Variants in ROBO2 observed in about 807,000 individuals in gnomAD.
ROBO2 encodes roundabout homolog 2.
A neutral mutation model predicts 160.8 loss-of-function variants in ROBO2; 53 were observed. The ratio of observed to expected loss-of-function variants is 0.33; its 90% CI spans 0.26 to 0.41. The LOEUF is 0.41. Ranked by LOEUF, ROBO2 falls within the 10% of genes least tolerant of loss-of-function variation. ROBO2 has a pLI of 1.00. For synonymous variants in ROBO2, 664 were observed against 611.7 expected, an observed-to-expected ratio of 1.09 and a Z score of -1.26; for missense variants, 1,577 against 1,722.4, an observed-to-expected ratio of 0.92 and a Z score of 1.49.
intron 2 of ROBO2, among the ~76,000 whole-genome samples, chr3:76,701,397 C>T (rs1423707597): frequency 1.3e-5 from 2 of 152,004 alleles, no homozygotes; most frequent in Admixed American, 6.6e-5. Flanking sequence ...TGTGTTTTGA[C>T]TCCAGGTAAA....
chr3:76,049,397 A>ATTTTTTTT (rs1559867112), intron 2 of ROBO2, among the ~76,000 whole-genome samples: 1 of 51,810 alleles, frequency 1.9e-5, no homozygotes, highest in African/African-American at 1.5e-4. Context: ...ATATATATAT[A>ATTTTTTTT]TATATATTTT....
chr3:77,510,185 T>G (rs572230668), intron 5 of ROBO2, among the ~76,000 whole-genome samples: 32 of 152,068 alleles, frequency 2.1e-4, no homozygotes, highest in Non-Finnish European at 1.0e-4. Context: ...TTTTTATTAA[T>G]CTACTGTATA....
chr3:76,496,751 C>A (rs2080172853), intron 2 of ROBO2, among the ~76,000 whole-genome samples: 1 of 152,094 alleles, frequency 6.6e-6, no homozygotes, highest in Non-Finnish European at 1.5e-5. Context: ...CTTTTACAAC[C>A]CCTACCCAAA....
chr3:77,621,474 G>T (rs1291803418), intron 22 of ROBO2, among the ~76,000 whole-genome samples: 1 of 151,902 alleles, frequency 6.6e-6, no homozygotes, highest in African/African-American at 2.4e-5. Context: ...GGTTGATAAT[G>T]CATGATCTAT....
chr3:76,837,698 C>A (rs558079189), intron 2 of ROBO2, among the ~76,000 whole-genome samples: 1 of 151,890 alleles, frequency 6.6e-6, no homozygotes, highest in African/African-American at 2.4e-5. Flanking sequence ...CAGCAAATCC[C>A]CCCTACTCTA....
chr3:76,699,523 A>T (rs573429070), intron 2 of ROBO2, among the ~76,000 whole-genome samples: 1 of 152,238 alleles, frequency 6.6e-6, no homozygotes, highest in South Asian at 2.1e-4. Context: ...TATTGATATT[A>T]AATCTCCTTC....
intron 2 of ROBO2, among the ~76,000 whole-genome samples, chr3:76,690,932 C>T (rs548649601): frequency 2.8e-4 from 43 of 152,022 alleles, no homozygotes; most frequent in African/African-American, 1.0e-3. Context: ...CAGGTGGGTC[C>T]TCTGGAGCCT....
chr3:76,543,694 T>C (rs1405887454), intron 2 of ROBO2, among the ~76,000 whole-genome samples: 3 of 152,078 alleles, frequency 2.0e-5, no homozygotes, highest in Non-Finnish European at 2.9e-5. Flanking sequence ...AATGCTTCTA[T>C]TCTCAAAGAG....
At chr3:77,540,220 C>T (rs929916177) in intron 6 of ROBO2, among the ~76,000 whole-genome samples, 3 of 152,106 alleles carry the variant, frequency 2.0e-5, no homozygotes, top group East Asian at 1.9e-4. Context: ...TTTTATGCTA[C>T]CCTAATAATA....
intron 2 of ROBO2, among the ~76,000 whole-genome samples, chr3:76,337,414 A>G (rs1212497705): frequency 6.6e-6 from 1 of 152,232 alleles, no homozygotes; most frequent in East Asian, 1.9e-4. Context: ...AAGAGTTAAT[A>G]GATAGGAATT....
At chr3:77,385,831 C>T (rs1254247294) in intron 2 of ROBO2, among the ~76,000 whole-genome samples, 1 of 152,064 alleles carries the variant, frequency 6.6e-6, no homozygotes, top group Non-Finnish European at 1.5e-5. Flanking sequence ...TACTCAAAAC[C>T]CTCAGACACG....
At chr3:77,093,208 A>G (rs1203530446) in intron 1 of ROBO2, among the ~76,000 whole-genome samples, 1 of 152,190 alleles carries the variant, frequency 6.6e-6, no homozygotes, top group Non-Finnish European at 1.5e-5. Flanking sequence ...GATTTCAGAT[A>G]TGCTGGTATG....
chr3:77,052,033 G>A (rs1449271476), intron 1 of ROBO2, among the ~76,000 whole-genome samples: 1 of 152,116 alleles, frequency 6.6e-6, no homozygotes, highest in Non-Finnish European at 1.5e-5. Context: ...TGTCTGCTTT[G>A]TATGACCCCA....
intron 2 of ROBO2, among the ~76,000 whole-genome samples, chr3:76,446,794 G>C (rs1375107644): frequency 6.6e-6 from 1 of 152,158 alleles, no homozygotes; most frequent in Non-Finnish European, 1.5e-5. Context: ...ATGGGGAAAG[G>C]ATTCCCTATT....
At chr3:77,372,216 A>G (rs1336803663) in intron 2 of ROBO2, among the ~76,000 whole-genome samples, 1 of 152,122 alleles carries the variant, frequency 6.6e-6, no homozygotes, top group Admixed American at 6.6e-5. Flanking sequence ...GGAGCAAGAA[A>G]AGAAAAAGGA....
chr3:77,276,459 C>T (rs2059833975), intron 2 of ROBO2, among the ~76,000 whole-genome samples: 1 of 152,288 alleles, frequency 6.6e-6, no homozygotes, highest in South Asian at 2.1e-4. Flanking sequence ...TTAAGGTTAG[C>T]ATTGCCTCCC....
At position 77,252,374 on chromosome 3, in the gene ROBO2, G is replaced by C. The variant is rs143235705; in HGVS notation, c.388+154034G>C. Among the ~76,000 whole-genome samples, 13 of 152,158 alleles carry C rather than the reference G, an allele frequency of 8.5e-5. 1 individual carries two copies. Among genetic ancestry groups the C allele is most frequent in the African/African-American group, 3.1e-4 (13 of 41,478 alleles). ...TATCTCTTATCTTCTTATGAGAAGAGACCACTCTTTTTTAAATAAACAAAC... is the reference window on the plus strand; with the variant it reads ...TATCTCTTATCTTCTTATGAGAAGACACCACTCTTTTTTAAATAAACAAAC... On this transcript the variant is annotated intron_variant, in intron 2 of 25. Coordinates refer to ENST00000461745, the Ensembl canonical transcript of ROBO2.
intron 2 of ROBO2, among the ~76,000 whole-genome samples, chr3:76,512,898 G>GCTAA (rs2081171909): frequency 3.3e-5 from 5 of 152,240 alleles, no homozygotes; most frequent in Admixed American, 1.3e-4. Flanking sequence ...ACCCGTATGT[G>GCTAA]CTAACCTCAT....
At chr3:77,106,064 A>G (rs1025184748) in intron 2 of ROBO2, among the ~76,000 whole-genome samples, 3 of 152,136 alleles carry the variant, frequency 2.0e-5, no homozygotes, top group Admixed American at 6.5e-5. Flanking sequence ...TTGTTTTGAG[A>G]TGGAGTCTGG....
Sources: gnomAD v4.1 joint callset for allele counts (sites outside exome capture counted in the v4.1 genomes callset) on GRCh38, gnomAD v4.1.1 for gene constraint, MANE v1.5 for transcripts, NCBI Gene and HGNC (gene_info 2026-07-23, HGNC 2026-07-21) for gene names.